SPTBN5: variants seen among roughly 807,000 people sequenced by gnomAD.
The protein encoded by SPTBN5 is spectrin beta chain, non-erythrocytic 5.
In SPTBN5, 513 loss-of-function variants were observed where a neutral mutation model predicts 477.6. That is an observed-to-expected ratio of 1.07 (90% CI 1.00 to 1.16). The LOEUF is 1.16. Ranked by LOEUF, SPTBN5 falls within the 50% of genes most tolerant of loss-of-function variation. The pLI, the probability that SPTBN5 is intolerant of heterozygous loss-of-function variation, is 0.00. For synonymous variants in SPTBN5, 2,169 were observed against 2,011.7 expected, an observed-to-expected ratio of 1.08 and a Z score of -2.09; for missense variants, 5,062 against 4,731.8, an observed-to-expected ratio of 1.07 and a Z score of -2.05.
intron 4 of SPTBN5, 114 bp from the exon 5 acceptor site, chr15:41,888,199 C>G (rs949332700): frequency 9.1e-7 from 1 of 1,099,330 alleles, no homozygotes; most frequent in East Asian, 2.6e-5. Flanking sequence ...CTCCCTGGCC[C>G]GGGGCCAGTG....
Position 41,876,791 on chromosome 15 carries a change from G to A in SPTBN5, c.3851+18C>T. 1 of 1,609,666 alleles carries A rather than the reference G, an allele frequency of 6.2e-7. No homozygotes were observed. The highest frequency in any genetic ancestry group is 8.5e-7 in the Non-Finnish European group (1 of 1,179,716). ...GAAAGGGTCATCTGCAGGTGCTGCA[G>A]ACTGAGGCCAGGCTCACGTGTGTGC... is the stretch of plus-strand genomic sequence containing the variant. On this transcript the variant is annotated intron_variant, in intron 19 of 67. Transcript: ENST00000320955.
In SPTBN5 at chr15:41,876,195, G is replaced by A. The variant is rs755713049; in HGVS notation, c.4041C>T (p.Asn1347=). 20 of 1,606,130 alleles carry A rather than the reference G, an allele frequency of 1.2e-5. No homozygotes were observed. The Admixed American group carries it at 1.8e-4, about 15-fold the overall frequency. ...CGTGCCGCTTGAGTGTCTGCAGGAT[G>A]TTTCTGCGCGCTCCGGAGGGCTCAT... ...AAHEPSGARR[N]ILQTLKRHEA... Residue 1347 remains asparagine (N), a synonymous_variant, in exon 21 of 68, where the codon AAC becomes AAT. Coordinates refer to ENST00000320955, the MANE Select transcript of SPTBN5 (RefSeq NM_016642.4).
At chr15:41,884,049 G>A (rs1270008597) in intron 7 of SPTBN5, among the ~76,000 whole-genome samples, 5 of 152,196 alleles carry the variant, frequency 3.3e-5, no homozygotes, top group East Asian at 1.9e-4. Context: ...GCGGTGGCAC[G>A]ATCTCGGCTC....
At chr15:41,877,687 G>T (rs942206367) in intron 17 of SPTBN5, among the ~76,000 whole-genome samples, 1 of 152,382 alleles carries the variant, frequency 6.6e-6, no homozygotes, top group South Asian at 2.1e-4. Context: ...CAGAAAAGGT[G>T]CTCCTTTCAG....
intron 6 of SPTBN5, among the ~76,000 whole-genome samples, chr15:41,886,720 G>T (rs1414418780): frequency 1.3e-5 from 2 of 152,116 alleles, no homozygotes; most frequent in African/African-American, 4.8e-5. Context: ...CACAGCCCTT[G>T]GCCTGTGTCA....
intron 32 of SPTBN5, 34 bp downstream of exon 32, chr15:41,869,805 GCA>G (rs751727427): frequency 1.5e-5 from 23 of 1,510,812 alleles, no homozygotes; most frequent in Admixed American, 4.7e-5. Flanking sequence ...ACACACACAT[GCA>G]CACACACACC....
In SPTBN5 at chr15:41,867,005, AG is replaced by A; in HGVS notation, c.6433del (p.Leu2145CysfsTer6). 1 of 1,565,602 alleles carries A rather than the reference AG, an allele frequency of 6.4e-7. No homozygotes were observed. The highest frequency in any genetic ancestry group is 8.7e-7 in the Non-Finnish European group (1 of 1,155,586). On this transcript the variant is annotated frameshift_variant, in exon 36 of 68. Transcript: ENST00000320955. LOFTEE classifies it high-confidence loss of function. The part of the protein sequence containing the change: ...KELAESRGHA[L>X]HASLLMASFT... ...GCTGGCCATCAGCAGGGAGGCATGCAGGGCGTGTCCCCGGCTCTCCGCCAGC... is the reference window on the plus strand; with the variant it reads ...GCTGGCCATCAGCAGGGAGGCATGCAGGCGTGTCCCCGGCTCTCCGCCAGC...
At chr15:41,855,484 G>A in intron 54 of SPTBN5, 56 bp from the exon 55 acceptor site, 1 of 1,592,472 alleles carries the variant, frequency 6.3e-7, no homozygotes, top group East Asian at 2.2e-5. Flanking sequence ...GGCTGGAGCA[G>A]TCTCCTGCCA....
chr15:41,877,533 G>A (rs546440037), intron 17 of SPTBN5, among the ~76,000 whole-genome samples, 177 bp from the exon 18 acceptor site: 17 of 152,202 alleles, frequency 1.1e-4, no homozygotes, highest in Non-Finnish European at 2.2e-4. Flanking sequence ...CCAGCCGGCC[G>A]TCCTTAAGTG....
At chr15:41,851,719 G>T in intron 63 of SPTBN5, 60 bp downstream of exon 63, 1 of 1,327,788 alleles carries the variant, frequency 7.5e-7, no homozygotes, top group Non-Finnish European at 1.1e-6. Context: ...GGCTCTTCGA[G>T]CCACTCAAGT....
rs2066939646 is a variant in SPTBN5 at position 41,881,224 on chromosome 15, G to T, written c.2468C>A (p.Ala823Asp). The T allele has an allele frequency of 6.2e-7, 1 of 1,608,678 alleles. No homozygotes were observed. Among genetic ancestry groups the T allele is most frequent in the African/African-American group, 1.3e-5 (1 of 74,720 alleles). Residue 823 changes from alanine to aspartate, a missense_variant, in exon 13 of 68, where the codon GCC (alanine) becomes GAC (aspartate). Physicochemically the swap from Ala to Asp is moderately radical, Grantham distance 126. Coordinates refer to ENST00000320955, the MANE Select transcript of SPTBN5 (RefSeq NM_016642.4). ...ARASLFTVNS[A>D]LSPPGESLRN... ...CAGGCTTTCTCCTGGAGGGCTCAGG[G>T]CAGAGTTCACCTGTGTGACAAAGGG...
At chr15:41,864,561 G>T (rs192851830) in intron 39 of SPTBN5, among the ~76,000 whole-genome samples, 1 of 152,314 alleles carries the variant, frequency 6.6e-6, no homozygotes, top group South Asian at 2.1e-4. Flanking sequence ...TGATCTGCCC[G>T]CCTTGGCCTC....
chr15:41,857,754 T>C (rs1197674), intron 49 of SPTBN5, 44 bp from the exon 50 acceptor site: 535,518 of 1,521,422 alleles, frequency 0.35, 98,792 homozygotes, highest in African/African-American at 0.53. Context: ...TCAGGACTGC[T>C]GGTACCAGGG....
In SPTBN5 at chr15:41,851,350, TC is replaced by T; in HGVS notation, c.10675del (p.Asp3559ThrfsTer12). On this transcript the variant is annotated frameshift_variant, in exon 64 of 68. Coordinates refer to ENST00000320955, the MANE Select transcript of SPTBN5 (RefSeq NM_016642.4). LOFTEE classifies it high-confidence loss of function. The stretch of plus-strand genomic sequence containing the variant: ...GCCCTGCAAGTTCCCGCGGCAGCTG[TC>T]CCAGGAGCTCGAGCTAGGCTGTGGA... ...GGRQPSSSSWDSCRGNLQGSS... is the reference protein window; with the variant it reads ...GGRQPSSSSWXSCRGNLQGSS... The T allele has an allele frequency of 6.4e-7, 1 of 1,550,762 alleles. No homozygotes were observed. Among genetic ancestry groups the T allele is most frequent in the Non-Finnish European group, 8.7e-7 (1 of 1,146,926 alleles).
At chr15:41,889,663 T>C (rs1383977957) in intron 4 of SPTBN5, among the ~76,000 whole-genome samples, 2 of 152,186 alleles carry the variant, frequency 1.3e-5, no homozygotes, top group Non-Finnish European at 2.9e-5. Context: ...ATCTTTGGTG[T>C]GTAGGGTGCC....
Position 41,883,457 on chromosome 15 carries a change from C to T in SPTBN5, c.1550G>A (p.Arg517Lys). The change falls in exon 8 of 68, where the codon AGG becomes AAG. Residue 517 changes from arginine to lysine, a missense_variant. Transcript: ENST00000320955. Reference protein sequence around the residue: ...RQEEVTVRWQRLLQHLQGQRK... With the variant: ...RQEEVTVRWQKLLQHLQGQRK... The stretch of plus-strand genomic sequence containing the variant: ...CTGTCCCTGTAGATGCTGAAGGAGC[C>T]TCTGCCAGCGCACGGTAACTTCCTC... 2 of 1,613,956 alleles carry T rather than the reference C, an allele frequency of 1.2e-6. No individual in the cohort carries two copies. The highest frequency in any genetic ancestry group is 1.7e-6 in the Non-Finnish European group (2 of 1,179,876).
chr15:41,850,347 C>G (rs1189093265), intron 66 of SPTBN5: 1 of 260,560 alleles, frequency 3.8e-6, no homozygotes, highest in Admixed American at 4.8e-5. Context: ...CACACGGAGC[C>G]TCAGCAGAGC....
rs748291227 is a variant in SPTBN5 at position 41,876,561 on chromosome 15, G to A, written c.3938C>T (p.Ser1313Phe). Residue 1313 changes from serine (S) to phenylalanine (F), a missense_variant, in exon 20 of 68, where the codon TCC becomes TTC. Transcript: ENST00000320955. ...SEQRRRQLLA[S>F]LQLQEWKQDV... Reference sequence around the variant, plus strand: ...CCAGACCCTCACCTGGAGCTGGAGGGAAGCCAGCAACTGCCTCCTCCTCTG... The same window carrying A: ...CCAGACCCTCACCTGGAGCTGGAGGAAAGCCAGCAACTGCCTCCTCCTCTG... The A allele has an allele frequency of 6.3e-7, 1 of 1,599,012 alleles. No individual in the cohort carries two copies. Among genetic ancestry groups the A allele is most frequent in the Non-Finnish European group, 8.5e-7 (1 of 1,173,308 alleles).
At chr15:41,877,543 G>A (rs1205948459) in intron 17 of SPTBN5, among the ~76,000 whole-genome samples, 187 bp from the exon 18 acceptor site, 1 of 152,268 alleles carries the variant, frequency 6.6e-6, no homozygotes, top group East Asian at 1.9e-4. Flanking sequence ...GTCCTTAAGT[G>A]TGGACTGCCA....
Sources: allele counts gnomAD v4.1 joint callset (sites outside exome capture counted in the v4.1 genomes callset), GRCh38; gene constraint gnomAD v4.1.1; transcripts MANE v1.5; gene names NCBI Gene and HGNC (gene_info 2026-07-23, HGNC 2026-07-21).